HSPA9: variants seen among roughly 807,000 people sequenced by gnomAD.
HSPA9 encodes the protein stress-70 protein, mitochondrial.
HSPA9 carries 28 observed loss-of-function variants against 81.5 expected under a neutral mutation model. That is an observed-to-expected ratio of 0.34 (90% confidence interval 0.25 to 0.47). The LOEUF (loss-of-function observed/expected upper bound fraction) is 0.47. HSPA9 is among the 20% of genes least tolerant of loss of function. The pLI, the probability that HSPA9 is intolerant of heterozygous loss-of-function variation, is 1.00. For synonymous variants in HSPA9, 293 were observed against 290.4 expected (o/e 1.01, Z -0.09); for missense variants, 678 against 838.0 (o/e 0.81, Z 2.36).
intron 5 of HSPA9, 32 bp from the exon 6 acceptor site, chr5:138,567,754 C>T (rs956077270): frequency 1.3e-6 from 2 of 1,509,320 alleles, no homozygotes; most frequent in Non-Finnish European, 1.8e-6. Context: ...TCATGGAATT[C>T]TGTCAGAACA....
intron 1 of HSPA9, among the ~76,000 whole-genome samples, chr5:138,574,546 G>C (rs867921525): frequency 6.6e-6 from 1 of 152,112 alleles, no homozygotes; most frequent in African/African-American, 2.4e-5. Context: ...AGTTACTAAG[G>C]GTCTTTGAAA....
intron 3 of HSPA9, among the ~76,000 whole-genome samples, chr5:138,573,339 T>C (rs1252710510): frequency 6.6e-6 from 1 of 152,132 alleles, no homozygotes; most frequent in Admixed American, 6.6e-5. Flanking sequence ...AGCCCTGATC[T>C]ATAGTTATGT....
rs1042820695 is a variant in HSPA9 at position 138,555,862 on chromosome 5, T to C, written c.*175A>G. ...GTGAACTTTATACTGTTAGAATCACTGTCCATTAAATGATCACTAGCTAAT... is the reference window on the plus strand; with the variant it reads ...GTGAACTTTATACTGTTAGAATCACCGTCCATTAAATGATCACTAGCTAAT... On this transcript the variant is annotated 3_prime_UTR_variant, in exon 17 of 17. Coordinates refer to ENST00000297185, the MANE Select transcript of HSPA9 (RefSeq NM_004134.7). 3.1e-6 allele frequency: 2 copies of C among 637,514 alleles called. No homozygotes were observed. Among genetic ancestry groups the C allele is most frequent in the African/African-American group, 3.7e-5 (2 of 54,526 alleles). 39.5% of individuals were successfully genotyped at this position (637,514 alleles called of 1,614,324 possible).
At position 138,553,945 on chromosome 5, in the gene HSPA9, C is replaced by T. The variant is rs1750468014; in HGVS notation, c.*2092G>A. ...CTGCCAGAGCTAAGACATCCATATT[C>T]TTCTAACCTCGGACTAGGACACCAC... is the stretch of plus-strand genomic sequence containing the variant. On this transcript the variant is annotated 3_prime_UTR_variant, in exon 17 of 17. Coordinates refer to ENST00000297185, the MANE Select transcript of HSPA9 (RefSeq NM_004134.7). Among the ~76,000 whole-genome samples the T allele has an allele frequency of 6.6e-6, 1 of 152,158 alleles. No individual in the cohort carries two copies. Among genetic ancestry groups the T allele is most frequent in the Non-Finnish European group, 1.5e-5 (1 of 68,020 alleles).
intron 5 of HSPA9, among the ~76,000 whole-genome samples, chr5:138,567,943 G>C (rs1296453254): frequency 6.6e-6 from 1 of 152,112 alleles, no homozygotes; most frequent in Non-Finnish European, 1.5e-5. Context: ...CCAGCACTTT[G>C]GGAGGCTGAG....
intron 9 of HSPA9, among the ~76,000 whole-genome samples, chr5:138,562,393 C>CA (rs138312403): frequency 2.0e-5 from 3 of 150,188 alleles, no homozygotes; most frequent in African/African-American, 4.9e-5. Context: ...ACTAAAAATA[C>CA]AAAAAAAATT....
intron 11 of HSPA9, 182 bp downstream of exon 11, chr5:138,559,682 G>A: frequency 3.3e-6 from 2 of 605,326 alleles, no homozygotes; most frequent in Non-Finnish European, 3.0e-6. Flanking sequence ...AACTTTTCTG[G>A]TAACAAAAAA....
At chr5:138,556,341 A>T in intron 16 of HSPA9, 111 bp downstream of exon 16, 4 of 1,330,822 alleles carry the variant, frequency 3.0e-6, no homozygotes, top group Non-Finnish European at 4.3e-6. Context: ...TCCCAACTCT[A>T]ATCTCACTCT....
chr5:138,559,642 T>C (rs1246829578), intron 11 of HSPA9: 2 of 521,316 alleles, frequency 3.8e-6, no homozygotes, highest in Non-Finnish European at 3.5e-6. Context: ...ATGTCCTTCT[T>C]ATAATCATCA....
rs1207907981 is a variant in HSPA9 at position 138,554,108 on chromosome 5, G to A, written c.*1929C>T. ...CTAGATATATATCCTATTGGCTGTAGGAAATCTCCATATACCTTCTTGCTA... is the reference window on the plus strand; with the variant it reads ...CTAGATATATATCCTATTGGCTGTAAGAAATCTCCATATACCTTCTTGCTA... On this transcript the variant is annotated 3_prime_UTR_variant, in exon 17 of 17. Coordinates refer to ENST00000297185, the MANE Select transcript of HSPA9 (RefSeq NM_004134.7). Among the ~76,000 whole-genome samples the A allele has an allele frequency of 6.6e-6, 1 of 152,142 alleles. No individual in the cohort carries two copies. The highest frequency in any genetic ancestry group is 1.5e-5 in the Non-Finnish European group (1 of 68,024).
chr5:138,568,165 A>G (rs542912357), intron 5 of HSPA9, among the ~76,000 whole-genome samples: 1 of 149,458 alleles, frequency 6.7e-6, no homozygotes, highest in East Asian at 2.0e-4. Context: ...AGCTTGGGCG[A>G]CAGAGCGAGA....
rs11745282 is a variant in HSPA9 at position 138,568,388 on chromosome 5, C to T, written c.535+537G>A. Among the ~76,000 whole-genome samples the T allele has an allele frequency of 9.8e-3, 1,477 of 151,044 alleles. 15 individuals carry two copies. The highest frequency in any genetic ancestry group is 0.016 in the Non-Finnish European group (1,090 of 67,784). On this transcript the variant is annotated intron_variant, in intron 5 of 16. Transcript: ENST00000297185. Reference sequence around the variant, plus strand: ...TGATGGCGCATGCCTGTAATCCCAGCTACGTTGGGGGGGAGGGAGAGGGCA... The same window carrying T: ...TGATGGCGCATGCCTGTAATCCCAGTTACGTTGGGGGGGAGGGAGAGGGCA...
In HSPA9 at chr5:138,567,055, C is replaced by G. The variant is rs1262166450; in HGVS notation, c.825G>C (p.Gly275=). The change falls in exon 8 of 17, where the codon GGG becomes GGC. Residue 275 remains glycine, a synonymous_variant. Coordinates refer to ENST00000297185, the MANE Select transcript of HSPA9 (RefSeq NM_004134.7). ...KSTNGDTFLG[G]EDFDQALLRH... is the part of the protein sequence containing the mutation. ...GTAGCAAGGCCTGGTCAAAGTCTTC[C>G]CCACCTAAGAAGGTATCCCCATTTG... 3.1e-6 allele frequency: 5 copies of G among 1,613,530 alleles called. No homozygotes were observed. Among genetic ancestry groups the G allele is most frequent in the Non-Finnish European group, 4.2e-6 (5 of 1,179,926 alleles).
At chr5:138,575,199 G>A (rs753017033) in intron 1 of HSPA9, 39 bp downstream of exon 1, 12 of 1,453,346 alleles carry the variant, frequency 8.3e-6, no homozygotes, top group South Asian at 6.0e-5. Flanking sequence ...CCCAAGGCCC[G>A]AGGCCGTGAC....
intron 16 of HSPA9, 70 bp from the exon 17 acceptor site, chr5:138,556,184 C>T: frequency 2.3e-6 from 3 of 1,290,902 alleles, no homozygotes; most frequent in Non-Finnish European, 3.4e-6. Flanking sequence ...TTGTTGCACT[C>T]CAAGATGAGG....
At chr5:138,575,039 A>C (rs1751056829) in intron 1 of HSPA9, 199 bp downstream of exon 1, 1 of 607,748 alleles carries the variant, frequency 1.6e-6, no homozygotes, top group South Asian at 2.0e-5. Flanking sequence ...GGTGTGACTC[A>C]GCAGGGCCCA....
intron 5 of HSPA9, among the ~76,000 whole-genome samples, chr5:138,568,169 A>C (rs1302802768): frequency 1.4e-5 from 2 of 144,324 alleles, no homozygotes; most frequent in Non-Finnish European, 3.0e-5. Context: ...TGGGCGACAG[A>C]GCGAGACTCT....
chr5:138,566,940 A>G, intron 8 of HSPA9, 61 bp downstream of exon 8: 1 of 1,537,350 alleles, frequency 6.5e-7, no homozygotes, highest in Non-Finnish European at 9.0e-7. Flanking sequence ...GCAAAGAGCA[A>G]TCTGAACAAA....
chr5:138,569,989 C>T (rs745436440), intron 4 of HSPA9, among the ~76,000 whole-genome samples: 4 of 151,688 alleles, frequency 2.6e-5, no homozygotes, highest in African/African-American at 4.8e-5. Context: ...CGCCCCTCAA[C>T]GCTCAAGCCT....
Sources: gnomAD v4.1 joint callset for allele counts (sites outside exome capture counted in the v4.1 genomes callset) on GRCh38, gnomAD v4.1.1 for gene constraint, MANE v1.5 for transcripts, NCBI Gene and HGNC (gene_info 2026-07-23, HGNC 2026-07-21) for gene names.